DOCK9: variants seen among roughly 807,000 people sequenced by gnomAD.
The protein encoded by DOCK9 is dedicator of cytokinesis 9, also known as dedicator of cytokinesis protein 9.
A neutral mutation model predicts 263.3 loss-of-function variants in DOCK9; 89 were observed. That is an observed-to-expected ratio of 0.34 (90% CI 0.28 to 0.40). DOCK9 has a LOEUF of 0.40. DOCK9 is among the 10% of genes least tolerant of loss of function. The pLI, the probability that DOCK9 is intolerant of heterozygous loss-of-function variation, is 1.00. For missense variants in DOCK9, 2,140 were observed against 2,603.4 expected, an observed-to-expected ratio of 0.82 and a Z score of 3.87; for synonymous variants, 976 against 973.1, an observed-to-expected ratio of 1.00 and a Z score of -0.06.
intron 27 of DOCK9, among the ~76,000 whole-genome samples, chr13:98,869,943 G>A (rs189237265): frequency 4.6e-5 from 7 of 152,346 alleles, no homozygotes; most frequent in African/African-American, 1.2e-4. Flanking sequence ...AACTGGATTG[G>A]AGGAGCTTGA....
intron 2 of DOCK9, among the ~76,000 whole-genome samples, chr13:98,934,366 C>T (rs1381514389): frequency 3.9e-5 from 6 of 152,138 alleles, no homozygotes; most frequent in East Asian, 1.9e-4. Context: ...CAGCTGGTCT[C>T]GGCCATTGCA....
Position 98,922,140 on chromosome 13 carries a change from C to A in DOCK9, c.493G>T (p.Ala165Ser), listed in dbSNP as rs1225859777. The change falls in exon 6 of 53, where the codon GCC (alanine) becomes TCC (serine). Residue 165 changes from alanine to serine, a missense_variant. Transcript: ENST00000682017. The stretch of plus-strand genomic sequence containing the variant: ...CCACCCTTCTGGGAACCAAGGGAGG[C>A]AGCATCCTAGGAGAGAAGGAAAACA... ...DEEVDKDEDA[A>S]SLGSQKGGIT... 1.9e-6 allele frequency: 3 copies of A among 1,592,340 alleles called. No individual in the cohort carries two copies. The highest frequency in any genetic ancestry group is 1.8e-5 in the Admixed American group (1 of 57,106).
intron 1 of DOCK9, among the ~76,000 whole-genome samples, chr13:99,001,705 T>C (rs916221133): frequency 9.9e-5 from 15 of 152,140 alleles, no homozygotes; most frequent in African/African-American, 3.6e-4. Context: ...CATGGAGACA[T>C]GAAAGAGGAC....
Position 98,999,316 on chromosome 13 carries a change from A to ACACACACACACACACTCTCTCT in DOCK9, c.130-43766_130-43765insAGAGAGAGTGTGTGTGTGTGTG. On this transcript the variant is annotated intron_variant, in intron 1 of 32. Coordinates refer to the DOCK9 transcript ENST00000427887. ...CACACACACACACACACACACACAC[A>ACACACACACACACACTCTCTCT]CTCTCTCTCTCTCTCTCTCTGGAAG... Among the ~76,000 whole-genome samples, 774 of 138,342 alleles carry ACACACACACACACACTCTCTCT rather than the reference A, an allele frequency of 5.6e-3. 10 individuals carry two copies. The highest frequency in any genetic ancestry group is 0.016 in the African/African-American group (572 of 35,528). The allele number at this position is 138,342 out of a possible 152,430, so 90.8% of individuals were successfully genotyped here. A position where few individuals can be genotyped will look rare whatever the true frequency, so the allele number is the denominator to read the frequency against.
chr13:99,009,347 C>T (rs4142332), intron 1 of DOCK9, among the ~76,000 whole-genome samples: 79,412 of 151,800 alleles, frequency 0.52, 21,040 homozygotes, highest in South Asian at 0.68. Context: ...GACAACAAAA[C>T]CCACCGGGCA....
intron 3 of DOCK9, among the ~76,000 whole-genome samples, chr13:98,927,407 A>G (rs1463421236): frequency 6.6e-6 from 1 of 152,146 alleles, no homozygotes; most frequent in Non-Finnish European, 1.5e-5. Flanking sequence ...CTGACTATGT[A>G]CGACGTGGTC....
At chr13:99,023,190 A>T (rs1886317645) in intron 1 of DOCK9, among the ~76,000 whole-genome samples, 1 of 152,242 alleles carries the variant, frequency 6.6e-6, no homozygotes, top group African/African-American at 2.4e-5. Context: ...TATTCACAAT[A>T]GTCAGCGTTA....
At chr13:99,032,398 C>G (rs1164527609) in intron 1 of DOCK9, among the ~76,000 whole-genome samples, 2 of 151,874 alleles carry the variant, frequency 1.3e-5, no homozygotes, top group African/African-American at 4.8e-5. Flanking sequence ...ATTGCTTGAA[C>G]CCAGTAGGTG....
chr13:99,078,217 G>A (rs751180310), intron 1 of DOCK9, among the ~76,000 whole-genome samples: 32 of 152,070 alleles, frequency 2.1e-4, no homozygotes, highest in Non-Finnish European at 2.1e-4. Context: ...CGGTAGAAGC[G>A]GGGAGAATCA....
chr13:99,045,674 C>A (rs1167927841), intron 1 of DOCK9, among the ~76,000 whole-genome samples: 1 of 152,060 alleles, frequency 6.6e-6, no homozygotes, highest in Non-Finnish European at 1.5e-5. Context: ...TTGATTGAAC[C>A]ATTCCAATTT....
At chr13:99,045,979 T>TA (rs1888965358) in intron 1 of DOCK9, among the ~76,000 whole-genome samples, 1 of 151,078 alleles carries the variant, frequency 6.6e-6, no homozygotes, top group Admixed American at 6.6e-5. Context: ...CACGTGCCTG[T>TA]AGTCCCAGCT....
Position 98,868,299 on chromosome 13 carries a change from T to C in DOCK9, c.3022A>G (p.Thr1008Ala). Residue 1008 changes from threonine to alanine, a missense_variant, in exon 28 of 53, where the codon ACT becomes GCT. Physicochemically the swap from Thr to Ala is moderately conservative, Grantham distance 58. Around this residue, in one of 2 missense-constraint regions of DOCK9, gnomAD observed 1,521 missense variants for 1,741.7 expected, o/e 0.87. Coordinates refer to ENST00000682017, the MANE Select transcript of DOCK9 (RefSeq NM_001366683.2). Reference sequence around the variant, plus strand: ...TCTGGATTATCTCGAAACTTCTGAGTGATGTGTGGCATCAGCATATTTACA... The same window carrying C: ...TCTGGATTATCTCGAAACTTCTGAGCGATGTGTGGCATCAGCATATTTACA... ...TVVNMLMPHI[T>A]QKFRDNPEAS... 1 of 1,613,988 alleles carries C rather than the reference T, an allele frequency of 6.2e-7. No individual in the cohort carries two copies. The highest frequency in any genetic ancestry group is 8.5e-7 in the Non-Finnish European group (1 of 1,179,878).
intron 1 of DOCK9, among the ~76,000 whole-genome samples, chr13:99,013,293 T>C (rs528755467): frequency 3.9e-4 from 59 of 152,198 alleles, no homozygotes; most frequent in Admixed American, 1.6e-3. Flanking sequence ...GTTGTTGTTG[T>C]TGGTAGAAAC....
At chr13:99,064,421 G>A (rs551689137) in intron 1 of DOCK9, among the ~76,000 whole-genome samples, 24 of 152,254 alleles carry the variant, frequency 1.6e-4, no homozygotes, top group African/African-American at 5.8e-4. Context: ...AAATCTAAGA[G>A]GAGGAAAACT....
In DOCK9 at chr13:98,794,481, A is replaced by T; in HGVS notation, c.*145T>A. 1 of 883,384 alleles carries T rather than the reference A, an allele frequency of 1.1e-6. No homozygotes were observed. The highest frequency in any genetic ancestry group is 1.7e-6 in the Non-Finnish European group (1 of 593,228). The allele number at this position is 883,384 out of a possible 1,614,324, so 54.7% of individuals were successfully genotyped here. A position where few individuals can be genotyped will look rare whatever the true frequency, so the allele number is the denominator to read the frequency against. ...TTACAACTCCTATAGAAAGTCTGTT[A>T]AGAAATAACGTTGTTCTTTATTTCC... On this transcript the variant is annotated 3_prime_UTR_variant, in exon 53 of 53. Coordinates refer to ENST00000682017, the MANE Select transcript of DOCK9 (RefSeq NM_001366683.2).
chr13:99,048,288 C>A (rs2040530388), intron 1 of DOCK9, among the ~76,000 whole-genome samples: 1 of 152,184 alleles, frequency 6.6e-6, no homozygotes, highest in Non-Finnish European at 1.5e-5. Context: ...CGCCTGAAGA[C>A]AGCCAACCTG....
At chr13:99,027,520 G>C (rs1472399017) in intron 1 of DOCK9, among the ~76,000 whole-genome samples, 1 of 152,026 alleles carries the variant, frequency 6.6e-6, no homozygotes, top group Non-Finnish European at 1.5e-5. Flanking sequence ...CCAGAGGCTG[G>C]GGATAAGGGA....
intron 1 of DOCK9, among the ~76,000 whole-genome samples, chr13:99,056,143 A>T (rs533580702): frequency 3.9e-5 from 6 of 152,230 alleles, no homozygotes; most frequent in African/African-American, 1.4e-4. Context: ...GGAAATATAT[A>T]TTTTTTTCCT....
intron 35 of DOCK9, among the ~76,000 whole-genome samples, chr13:98,851,994 AAT>A (rs1404595195): frequency 6.6e-6 from 1 of 152,216 alleles, no homozygotes; most frequent in East Asian, 1.9e-4. Flanking sequence ...GCATTTTAAA[AAT>A]ATGTGTATGA....
Sources: allele counts gnomAD v4.1 joint callset (sites outside exome capture counted in the v4.1 genomes callset), GRCh38; gene constraint gnomAD v4.1.1; regional missense constraint gnomAD v4.1.1; transcripts MANE v1.5; gene names NCBI Gene and HGNC (gene_info 2026-07-23, HGNC 2026-07-21).